The following FAF1 variants were observed in gnomAD, a reference collection of about 807,000 sequenced individuals.
FAF1 encodes FAS-associated factor 1.
Under a neutral mutation model 92.5 loss-of-function variants are expected in FAF1, and 25 were observed. The observed-to-expected ratio is 0.27, with a 90% CI of 0.20 to 0.38. The LOEUF (loss-of-function observed/expected upper bound fraction) is 0.38, where lower values mean the gene tolerates loss of function less well. Ranked by LOEUF, FAF1 falls within the 10% of genes least tolerant of loss-of-function variation. FAF1 has a pLI of 1.00. For missense variants in FAF1, 636 were observed against 793.3 expected, an observed-to-expected ratio of 0.80 and a Z score of 2.38; for synonymous variants, 234 against 273.2, an observed-to-expected ratio of 0.86 and a Z score of 1.42.
intron 4 of FAF1, among the ~76,000 whole-genome samples, chr1:50,748,884 C>A (rs1239110405): frequency 6.6e-6 from 1 of 152,178 alleles, no homozygotes; most frequent in Admixed American, 6.5e-5. Flanking sequence ...TTAAGATACA[C>A]AAGTTCTATG....
At chr1:50,703,472 GA>G (rs1426094989) in intron 7 of FAF1, among the ~76,000 whole-genome samples, 6 of 152,008 alleles carry the variant, frequency 3.9e-5, no homozygotes, top group African/African-American at 1.4e-4. Context: ...AAGTTGTACA[GA>G]ATAAAACAGC....
intron 8 of FAF1, among the ~76,000 whole-genome samples, chr1:50,642,628 G>A (rs566954414): frequency 1.3e-5 from 2 of 151,932 alleles, no homozygotes; most frequent in East Asian, 1.9e-4. Flanking sequence ...CAGCCTGGGC[G>A]ACAGAGTGAG....
intron 18 of FAF1, chr1:50,462,073 A>G (rs552304913): frequency 6.1e-5 from 9 of 147,574 alleles, no homozygotes; most frequent in Non-Finnish European, 1.2e-4. Flanking sequence ...AATATTTTAT[A>G]TATATATATA....
At chr1:50,869,791 C>T (rs1644511953) in intron 1 of FAF1, among the ~76,000 whole-genome samples, 1 of 151,976 alleles carries the variant, frequency 6.6e-6, no homozygotes, top group Non-Finnish European at 1.5e-5. Context: ...TTCACTATTT[C>T]TGGCTTATAA....
intron 1 of FAF1, among the ~76,000 whole-genome samples, chr1:50,893,518 C>G (rs923748639): frequency 1.3e-5 from 2 of 152,200 alleles, no homozygotes; most frequent in Non-Finnish European, 2.9e-5. Context: ...TCTTCCCACA[C>G]TTTCTCCCAA....
chr1:50,846,301 A>T (rs1644298521), intron 2 of FAF1, among the ~76,000 whole-genome samples: 1 of 152,028 alleles, frequency 6.6e-6, no homozygotes, highest in Non-Finnish European at 1.5e-5. Context: ...GTCATCAGAA[A>T]CAGACTCATG....
intron 1 of FAF1, among the ~76,000 whole-genome samples, chr1:50,864,207 G>A (rs1016119723): frequency 6.7e-6 from 1 of 149,284 alleles, no homozygotes; most frequent in African/African-American, 2.5e-5. Flanking sequence ...ATTTCCTTCA[G>A]TTCTGCTCTG....
chr1:50,645,732 G>A (rs900342243), intron 8 of FAF1, among the ~76,000 whole-genome samples: 6 of 152,050 alleles, frequency 3.9e-5, no homozygotes, highest in Admixed American at 3.3e-4. Context: ...GGAGGCTGAG[G>A]AAGGAGAATC....
chr1:50,952,562 G>A (rs1431474470), intron 1 of FAF1, among the ~76,000 whole-genome samples: 2 of 152,034 alleles, frequency 1.3e-5, no homozygotes, highest in African/African-American at 4.8e-5. Context: ...TCTCTGCCTG[G>A]CCACCCATCG....
chr1:50,873,108 G>T (rs909996639), intron 1 of FAF1, among the ~76,000 whole-genome samples: 82 of 152,168 alleles, frequency 5.4e-4, no homozygotes, highest in African/African-American at 2.0e-3. Flanking sequence ...ATTAATACTT[G>T]CTGAAGGCTC....
chr1:50,883,851 G>A (rs559741682), intron 1 of FAF1, among the ~76,000 whole-genome samples: 229 of 152,120 alleles, frequency 1.5e-3, no homozygotes, highest in South Asian at 7.5e-3. Flanking sequence ...TAGGCCAGGC[G>A]CAGTGGCTCA....
intron 8 of FAF1, among the ~76,000 whole-genome samples, chr1:50,621,652 G>A (rs1428616156): frequency 7.3e-5 from 11 of 151,554 alleles, no homozygotes; most frequent in Non-Finnish European, 1.3e-4. Flanking sequence ...CACCCACCTC[G>A]GCCTCCCAAA....
intron 12 of FAF1, among the ~76,000 whole-genome samples, chr1:50,578,946 GA>G (rs1650873109): frequency 6.6e-6 from 1 of 152,022 alleles, no homozygotes; most frequent in African/African-American, 2.4e-5. Context: ...GAGAAATGAG[GA>G]AAGAAGAAAG....
At chr1:50,623,520 G>A (rs540479778) in intron 8 of FAF1, among the ~76,000 whole-genome samples, 5 of 151,722 alleles carry the variant, frequency 3.3e-5, no homozygotes, top group African/African-American at 1.2e-4. Flanking sequence ...GTTGCAGTGA[G>A]CTGAGATCGT....
At chr1:50,710,913 G>GC (rs1657897084) in intron 6 of FAF1, among the ~76,000 whole-genome samples, 1 of 113,120 alleles carries the variant, frequency 8.8e-6, no homozygotes, top group African/African-American at 3.3e-5. Flanking sequence ...AGTGGCATTT[G>GC]TTTTTTTTTT....
chr1:50,611,679 T>A, intron 8 of FAF1, among the ~76,000 whole-genome samples: 1 of 152,246 alleles, frequency 6.6e-6, no homozygotes, highest in East Asian at 1.9e-4. Context: ...CTGAGAAATA[T>A]GTCCACATCA....
intron 15 of FAF1, among the ~76,000 whole-genome samples, chr1:50,519,290 C>T (rs12096443): frequency 0.45 from 67,599 of 149,814 alleles, 16,282 homozygotes; most frequent in African/African-American, 0.59. Flanking sequence ...GACCACGCCA[C>T]TGCACTCCAG....
At chr1:50,836,452 G>A (rs942809575) in intron 2 of FAF1, among the ~76,000 whole-genome samples, 1 of 152,120 alleles carries the variant, frequency 6.6e-6, no homozygotes, top group Non-Finnish European at 1.5e-5. Context: ...AAATGGTAAT[G>A]TTAGGGACAA....
chr1:50,785,206 T>C (rs374964406), intron 4 of FAF1, among the ~76,000 whole-genome samples: 1 of 150,884 alleles, frequency 6.6e-6, no homozygotes, highest in South Asian at 2.1e-4. Flanking sequence ...GGAAATGCTT[T>C]ATAACACTGA....
Sources: allele counts gnomAD v4.1 joint callset (sites outside exome capture counted in the v4.1 genomes callset), GRCh38; gene constraint gnomAD v4.1.1; transcripts MANE v1.5; gene names NCBI Gene and HGNC (gene_info 2026-07-23, HGNC 2026-07-21).